The following PLCG2 variants were observed in gnomAD, a reference collection of about 807,000 sequenced individuals.
The protein encoded by PLCG2 is phospholipase C gamma 2, also known as 1-phosphatidylinositol 4,5-bisphosphate phosphodiesterase gamma-2.
A neutral mutation model predicts 175.6 loss-of-function variants in PLCG2; 69 were observed. The ratio of observed to expected loss-of-function variants is 0.39; its 90% confidence interval spans 0.32 to 0.48. PLCG2 has a LOEUF of 0.48. Among genes scored for constraint, PLCG2 ranks in the 20% least tolerant of loss-of-function variants. PLCG2 has a pLI of 0.91. For synonymous variants in PLCG2, 827 were observed against 624.0 expected (o/e 1.33, Z -4.85); for missense variants, 1,798 against 1,650.9 (o/e 1.09, Z -1.54).
intron 11 of PLCG2, among the ~76,000 whole-genome samples, chr16:81,893,444 A>G (rs1188191809): frequency 6.6e-6 from 1 of 152,142 alleles, no homozygotes; most frequent in African/African-American, 2.4e-5. Context: ...CCTCAAAAGA[A>G]CACGTCCTCT....
At chr16:81,820,247 G>A (rs1904734405) in intron 2 of PLCG2, among the ~76,000 whole-genome samples, 1 of 152,094 alleles carries the variant, frequency 6.6e-6, no homozygotes, top group Non-Finnish European at 1.5e-5. Flanking sequence ...CACCCTAATT[G>A]AGACACAGAA....
intron 2 of PLCG2, among the ~76,000 whole-genome samples, chr16:81,804,588 A>G (rs920952698): frequency 1.3e-5 from 2 of 152,232 alleles, no homozygotes; most frequent in Admixed American, 6.5e-5. Context: ...TTTTGAAGTT[A>G]GTAACCTGTC....
Position 81,905,727 on chromosome 16 carries a change from C to T in PLCG2, c.1467+220C>T, listed in dbSNP as rs182831332. Among the ~76,000 whole-genome samples the T allele has an allele frequency of 8.5e-4, 129 of 152,204 alleles. 1 individual carries two copies. The highest frequency in any genetic ancestry group is 7.4e-4 in the Non-Finnish European group (50 of 68,010). The stretch of plus-strand genomic sequence containing the variant: ...AGGCTGGAGTGTAGTGGTGTGATTG[C>T]GGCTCACTGCAGCCTTGACCTCCCA... On this transcript the variant is annotated intron_variant, in intron 15 of 32. Transcript: ENST00000564138.
intron 18 of PLCG2, 92 bp downstream of exon 18, chr16:81,910,812 C>T (rs1182970959): frequency 9.2e-6 from 11 of 1,198,812 alleles, no homozygotes. Flanking sequence ...CCGGGCCAGT[C>T]CCCCAGGACA....
chr16:81,907,300 C>G (rs1360657378), intron 15 of PLCG2, among the ~76,000 whole-genome samples: 5 of 147,610 alleles, frequency 3.4e-5, no homozygotes, highest in African/African-American at 1.2e-4. Flanking sequence ...TAAATTTCAT[C>G]GGGGGAAAAA....
At chr16:81,837,879 A>G (rs1905607509) in intron 2 of PLCG2, among the ~76,000 whole-genome samples, 1 of 152,088 alleles carries the variant, frequency 6.6e-6, no homozygotes, top group African/African-American at 2.4e-5. Flanking sequence ...TAACATTCAC[A>G]ACATTCATAG....
chr16:81,854,534 G>C lies in PLCG2; in HGVS notation c.284G>C (p.Cys95Ser). 1 of 1,613,842 alleles carries C rather than the reference G, an allele frequency of 6.2e-7. No individual in the cohort carries two copies. The highest frequency in any genetic ancestry group is 8.5e-7 in the Non-Finnish European group (1 of 1,179,696). The stretch of plus-strand genomic sequence containing the variant: ...GCAGTTCGCCAGAAAGAAGACTGCT[G>C]CTTCACCATCCTATATGGCACTCAG... The part of the protein sequence containing the change: ...AKAVRQKEDC[C>S]FTILYGTQFV... The change falls in exon 3 of 33, where the codon TGC (cysteine) becomes TCC (serine). Residue 95 changes from cysteine to serine, a missense_variant. Transcript: ENST00000564138.
At chr16:81,907,426 G>A (rs1204014459) in intron 15 of PLCG2, among the ~76,000 whole-genome samples, 2 of 152,126 alleles carry the variant, frequency 1.3e-5, no homozygotes, top group East Asian at 1.9e-4. Context: ...ATGATGAGGA[G>A]TTGTACCTAC....
chr16:81,940,147 T>G, intron 30 of PLCG2, 88 bp downstream of exon 30: 1 of 1,210,756 alleles, frequency 8.3e-7, no homozygotes, highest in East Asian at 2.4e-5. Flanking sequence ...GAAAAATGAT[T>G]TTTCCTGGTT....
chr16:81,895,004 C>G (rs1387526203), intron 12 of PLCG2, among the ~76,000 whole-genome samples: 3 of 152,180 alleles, frequency 2.0e-5, no homozygotes, highest in African/African-American at 7.2e-5. Flanking sequence ...ACTTTCTTCC[C>G]GTTTATGATT....
At chr16:81,920,278 C>A (rs1441093565) in intron 20 of PLCG2, among the ~76,000 whole-genome samples, 2 of 152,118 alleles carry the variant, frequency 1.3e-5, no homozygotes, top group African/African-American at 4.8e-5. Context: ...CCATTCCTAC[C>A]ACATAGATCA....
At chr16:81,895,073 C>T (rs754172733) in intron 12 of PLCG2, among the ~76,000 whole-genome samples, 1 of 152,188 alleles carries the variant, frequency 6.6e-6, no homozygotes, top group Admixed American at 6.5e-5. Flanking sequence ...CAGTCAGCTC[C>T]TGTGCCCTCC....
intron 9 of PLCG2, among the ~76,000 whole-genome samples, chr16:81,888,184 C>T (rs1908460209): frequency 6.6e-6 from 1 of 152,170 alleles, no homozygotes; most frequent in Admixed American, 6.5e-5. Context: ...AAGAAAGATG[C>T]TTGTTTGCAC....
intron 7 of PLCG2, among the ~76,000 whole-genome samples, chr16:81,875,584 C>T (rs1365096501): frequency 2.6e-5 from 4 of 152,202 alleles, no homozygotes; most frequent in Admixed American, 6.5e-5. Context: ...TCACTGCCCT[C>T]ACCCAAGTCC....
intron 6 of PLCG2, 136 bp downstream of exon 6, chr16:81,869,434 C>G (rs1475143882): frequency 1.5e-6 from 1 of 670,712 alleles, no homozygotes; most frequent in Admixed American, 2.3e-5. Flanking sequence ...CATCTTAGTT[C>G]AGACAGAGGG....
chr16:81,943,580 A>C (rs4889446), intron 30 of PLCG2, among the ~76,000 whole-genome samples: 150,921 of 152,252 alleles, frequency 0.99, 74,818 homozygotes, highest in East Asian at 1. Context: ...TTCTTCACCA[A>C]TGTCCACAGA....
intron 2 of PLCG2, among the ~76,000 whole-genome samples, chr16:81,764,742 G>T (rs888921113): frequency 2.0e-5 from 3 of 152,176 alleles, no homozygotes; most frequent in Non-Finnish European, 4.4e-5. Flanking sequence ...TGGAAAGAGG[G>T]TCTTTGCAGA....
intron 29 of PLCG2, 65 bp downstream of exon 29, chr16:81,938,980 C>T (rs1330575777): frequency 1.1e-6 from 1 of 899,022 alleles, no homozygotes; most frequent in Non-Finnish European, 1.8e-6. Flanking sequence ...TGTGGGAGTG[C>T]TCTTCGTGGG....
chr16:81,936,567 A>T (rs550170960), intron 27 of PLCG2, among the ~76,000 whole-genome samples, 189 bp downstream of exon 27: 2 of 152,348 alleles, frequency 1.3e-5, no homozygotes, highest in East Asian at 3.9e-4. Context: ...GAGAGGACCG[A>T]AGGCTGCTTG....
Sources: allele counts gnomAD v4.1 joint callset (sites outside exome capture counted in the v4.1 genomes callset), GRCh38; gene constraint gnomAD v4.1.1; transcripts MANE v1.5; gene names NCBI Gene and HGNC (gene_info 2026-07-23, HGNC 2026-07-21).